The following MICU2 variants were observed in gnomAD, a reference collection of about 807,000 sequenced individuals.
MICU2 encodes the protein mitochondrial calcium uptake 2, also known as calcium uptake protein 2, mitochondrial.
MICU2 carries 64 observed loss-of-function variants against 60.4 expected under a neutral mutation model. The observed-to-expected ratio is 1.06, with a 90% CI of 0.87 to 1.31. The LOEUF is 1.31. Among genes scored for constraint, MICU2 ranks in the 50% most tolerant of loss-of-function variants. The pLI is 0.00. For synonymous variants in MICU2, 201 were observed against 175.0 expected (o/e 1.15, Z -1.17); for missense variants, 569 against 531.0 (o/e 1.07, Z -0.70).
chr13:21,518,173 C>G (rs1886628481), intron 6 of MICU2, among the ~76,000 whole-genome samples: 1 of 152,070 alleles, frequency 6.6e-6, no homozygotes, highest in Non-Finnish European at 1.5e-5. Context: ...GCATGTTAAG[C>G]TATTGTGTGA....
intron 1 of MICU2, among the ~76,000 whole-genome samples, chr13:21,581,199 C>T (rs1211656155): frequency 6.6e-6 from 1 of 152,186 alleles, no homozygotes; most frequent in Non-Finnish European, 1.5e-5. Flanking sequence ...GGTTCTGCAA[C>T]CTCCACCTCC....
At chr13:21,515,174 C>T (rs746650548) in intron 6 of MICU2, among the ~76,000 whole-genome samples, 18 of 151,876 alleles carry the variant, frequency 1.2e-4, no homozygotes, top group African/African-American at 1.9e-4. Flanking sequence ...CTCCGCCTCC[C>T]GGGTTCACGC....
At chr13:21,529,606 T>C (rs931126931) in intron 4 of MICU2, among the ~76,000 whole-genome samples, 1 of 152,226 alleles carries the variant, frequency 6.6e-6, no homozygotes, top group East Asian at 1.9e-4. Context: ...TAGGACAGTG[T>C]GGTTTCAGAG....
chr13:21,560,853 C>T (rs938382059), intron 2 of MICU2, among the ~76,000 whole-genome samples: 12 of 152,070 alleles, frequency 7.9e-5, no homozygotes, highest in East Asian at 1.9e-4. Flanking sequence ...CTTGTCCCAC[C>T]GACTATATTA....
At chr13:21,550,511 T>A (rs1023028260) in intron 2 of MICU2, among the ~76,000 whole-genome samples, 1 of 152,146 alleles carries the variant, frequency 6.6e-6, no homozygotes, top group African/African-American at 2.4e-5. Flanking sequence ...GCACCCCAGC[T>A]TGGACCACAG....
At chr13:21,576,643 T>G (rs938180428) in intron 1 of MICU2, among the ~76,000 whole-genome samples, 4 of 152,304 alleles carry the variant, frequency 2.6e-5, no homozygotes, top group Admixed American at 2.6e-4. Context: ...CCATTTTCTG[T>G]GACCCACTCA....
At position 21,599,415 on chromosome 13, in the gene MICU2, T is replaced by C. The variant is rs142147443; in HGVS notation, c.210+4524A>G. 2.0e-5 allele frequency among the ~76,000 whole-genome samples: 3 copies of C among 152,376 alleles called. No homozygotes were observed. The East Asian group carries it at 5.8e-4, about 29-fold the overall frequency. ...CCCTTCTATGATTTCTGATTTTACA[T>C]GTCTGAATCAAATATAACATTGTAA... On this transcript the variant is annotated intron_variant, in intron 1 of 11. Transcript: ENST00000382374.
At chr13:21,501,470 A>G (rs9552440) in intron 9 of MICU2, among the ~76,000 whole-genome samples, 7,308 of 152,024 alleles carry the variant, frequency 0.048, 430 homozygotes, top group African/African-American at 0.14. Context: ...CACCGTGTTA[A>G]CCAGGATGGT....
intron 1 of MICU2, among the ~76,000 whole-genome samples, chr13:21,590,484 T>C (rs1888554794): frequency 6.6e-6 from 1 of 152,224 alleles, no homozygotes; most frequent in African/African-American, 2.4e-5. Flanking sequence ...ATCTTCTCTT[T>C]GTGGTCACTT....
At chr13:21,494,621 A>AT (rs1200198526) in intron 11 of MICU2, among the ~76,000 whole-genome samples, 1 of 152,232 alleles carries the variant, frequency 6.6e-6, no homozygotes, top group Non-Finnish European at 1.5e-5. Context: ...AGCAGTTAAT[A>AT]AACAGTAGAG....
At chr13:21,507,926 CTCTT>C (rs530265914) in intron 8 of MICU2, among the ~76,000 whole-genome samples, 124 of 151,622 alleles carry the variant, frequency 8.2e-4, no homozygotes, top group African/African-American at 2.5e-3. Flanking sequence ...TTTTCTTTCT[CTCTT>C]TCTTTCTTTC....
At chr13:21,521,638 A>C (rs892246024) in intron 5 of MICU2, among the ~76,000 whole-genome samples, 3 of 152,168 alleles carry the variant, frequency 2.0e-5, no homozygotes, top group Non-Finnish European at 2.9e-5. Context: ...ATATTCTTAC[A>C]GTACCTTGGT....
chr13:21,549,067 A>C (rs1887484993), intron 2 of MICU2, among the ~76,000 whole-genome samples: 1 of 151,524 alleles, frequency 6.6e-6, no homozygotes. Flanking sequence ...CTGGGACTAC[A>C]GGCGCCCGCC....
intron 4 of MICU2, among the ~76,000 whole-genome samples, chr13:21,538,995 C>T (rs1887206993): frequency 6.6e-6 from 1 of 152,072 alleles, no homozygotes; most frequent in Non-Finnish European, 1.5e-5. Flanking sequence ...ATTCCTCTAC[C>T]TCTCTGATTA....
At chr13:21,583,736 G>A (rs1334772289) in intron 1 of MICU2, among the ~76,000 whole-genome samples, 1 of 152,224 alleles carries the variant, frequency 6.6e-6, no homozygotes, top group East Asian at 1.9e-4. Flanking sequence ...AGCATTCCAA[G>A]CATTCCAGAA....
chr13:21,525,471 G>A (rs1465529116), intron 4 of MICU2, among the ~76,000 whole-genome samples: 6 of 151,918 alleles, frequency 3.9e-5, no homozygotes, highest in South Asian at 2.1e-4. Context: ...GACTACAGGC[G>A]TGAGCCACCG....
At chr13:21,493,922 T>A (rs1885925305) in intron 11 of MICU2, among the ~76,000 whole-genome samples, 1 of 152,162 alleles carries the variant, frequency 6.6e-6, no homozygotes. Flanking sequence ...TTAGGAAATA[T>A]TTGGATCCGG....
intron 9 of MICU2, among the ~76,000 whole-genome samples, chr13:21,500,766 T>C (rs1338909914): frequency 6.6e-6 from 1 of 152,142 alleles, no homozygotes; most frequent in Non-Finnish European, 1.5e-5. Context: ...AGAAAATTGG[T>C]CTTTACATAT....
At chr13:21,594,986 T>A (rs1293993389) in intron 1 of MICU2, among the ~76,000 whole-genome samples, 1 of 152,184 alleles carries the variant, frequency 6.6e-6, no homozygotes, top group Non-Finnish European at 1.5e-5. Context: ...TGCACATGTA[T>A]CCTGTTTTTG....
Sources: gnomAD v4.1 joint callset for allele counts (sites outside exome capture counted in the v4.1 genomes callset) on GRCh38, gnomAD v4.1.1 for gene constraint, MANE v1.5 for transcripts, NCBI Gene and HGNC (gene_info 2026-07-23, HGNC 2026-07-21) for gene names.